Variants in MAST4 observed in about 807,000 individuals in gnomAD.
MAST4 encodes microtubule associated serine/threonine kinase family member 4, also known as microtubule-associated serine/threonine-protein kinase 4.
Under a neutral mutation model 162.7 loss-of-function variants are expected in MAST4, and 89 were observed. That is an observed-to-expected ratio of 0.55 (90% confidence interval 0.46 to 0.65). The LOEUF (loss-of-function observed/expected upper bound fraction) is 0.65. Among genes scored for constraint, MAST4 ranks in the 30% least tolerant of loss-of-function variants. The pLI is 0.00. For synonymous variants in MAST4, 1,479 were observed against 1,361.1 expected (o/e 1.09, Z -1.91); for missense variants, 3,153 against 3,374.0 (o/e 0.93, Z 1.62).
chr5:67,113,849 A>T (rs1281543403), intron 11 of MAST4, among the ~76,000 whole-genome samples: 3 of 152,210 alleles, frequency 2.0e-5, no homozygotes, highest in Admixed American at 6.5e-5. Context: ...TTACAAGCAA[A>T]TTGGAAATGA....
chr5:66,745,221 C>A (rs1040579033), intron 1 of MAST4, among the ~76,000 whole-genome samples: 1 of 152,182 alleles, frequency 6.6e-6, no homozygotes, highest in African/African-American at 2.4e-5. Context: ...TTCCTCCTCA[C>A]CACTGTTTTC....
At chr5:66,677,416 T>C (rs1467452989) in intron 1 of MAST4, among the ~76,000 whole-genome samples, 1 of 152,156 alleles carries the variant, frequency 6.6e-6, no homozygotes, top group South Asian at 2.1e-4. Flanking sequence ...TCTGGAGTAA[T>C]GAAAAACTGT....
intron 1 of MAST4, among the ~76,000 whole-genome samples, chr5:66,628,656 G>A (rs1320341910): frequency 2.0e-5 from 3 of 152,068 alleles, no homozygotes; most frequent in Admixed American, 2.0e-4. Flanking sequence ...GGAAAGTCAC[G>A]GTGAAGTTAG....
intron 1 of MAST4, among the ~76,000 whole-genome samples, chr5:66,618,374 T>C (rs956638378): frequency 2.6e-5 from 4 of 152,230 alleles, no homozygotes; most frequent in African/African-American, 9.6e-5. Context: ...TTCAAGTGTC[T>C]GACTTTGTTA....
In MAST4 at chr5:67,105,481, C is replaced by G. The variant is rs375886608; in HGVS notation, c.1356+906C>G. Among the ~76,000 whole-genome samples, 53 of 152,192 alleles carry G rather than the reference C, an allele frequency of 3.5e-4. 1 individual carries two copies. In the South Asian group the frequency reaches 3.7e-3, roughly 11 times the overall value. The stretch of plus-strand genomic sequence containing the variant: ...CAGCCGCTGCTTTTCTCCCCTTTGC[C>G]CTCTAGGCCTTCTATACTCTTTCCC... On this transcript the variant is annotated intron_variant, in intron 10 of 28. Transcript: ENST00000403625.
rs148737570 is a variant in MAST4 at position 66,927,108 on chromosome 5, G to A, written c.674+27126G>A. Among the ~76,000 whole-genome samples the A allele has an allele frequency of 3.1e-3, 479 of 152,296 alleles. 3 individuals are homozygous for A. Among genetic ancestry groups the A allele is most frequent in the African/African-American group, 0.011 (448 of 41,554 alleles). ...CCTCTCGTTTTCTTTTATCATTAAA[G>A]GGTTTGGCTTTCTTCTCCAGCTTTT... On this transcript the variant is annotated intron_variant, in intron 4 of 28. Coordinates refer to ENST00000403625, the MANE Select transcript of MAST4 (RefSeq NM_001164664.2).
chr5:66,824,980 A>G (rs1037838962), intron 3 of MAST4, among the ~76,000 whole-genome samples: 3 of 152,292 alleles, frequency 2.0e-5, no homozygotes, highest in Middle Eastern at 3.4e-3. Flanking sequence ...AAGGCCTCCT[A>G]CATTACAGTG....
chr5:67,158,618 TAATAA>T (rs752967001), intron 26 of MAST4, among the ~76,000 whole-genome samples: 4 of 152,202 alleles, frequency 2.6e-5, no homozygotes, highest in Admixed American at 6.5e-5. Context: ...CTAAAACTAA[TAATAA>T]AATACTAAGA....
At chr5:66,600,539 TA>T (rs1742485645) in intron 1 of MAST4, among the ~76,000 whole-genome samples, 1 of 152,188 alleles carries the variant, frequency 6.6e-6, no homozygotes. Flanking sequence ...GTTAATATAT[TA>T]GTAGGTGCTC....
intron 3 of MAST4, among the ~76,000 whole-genome samples, chr5:66,874,086 G>A (rs909931459): frequency 6.6e-6 from 1 of 152,134 alleles, no homozygotes; most frequent in Non-Finnish European, 1.5e-5. Flanking sequence ...TAAGAGTAAA[G>A]GGTTAGGGGG....
At chr5:66,621,527 G>A (rs1424202756) in intron 1 of MAST4, among the ~76,000 whole-genome samples, 1 of 152,194 alleles carries the variant, frequency 6.6e-6, no homozygotes, top group Non-Finnish European at 1.5e-5. Flanking sequence ...ATTTACTTGA[G>A]TGGTGGTTAC....
At chr5:66,819,685 T>A (rs1756897142) in intron 3 of MAST4, among the ~76,000 whole-genome samples, 1 of 152,180 alleles carries the variant, frequency 6.6e-6, no homozygotes, top group Non-Finnish European at 1.5e-5. Context: ...TTTTTTCCAT[T>A]TTGTGTTTAC....
chr5:66,667,632 C>T (rs1225474712), intron 1 of MAST4, among the ~76,000 whole-genome samples: 1 of 152,160 alleles, frequency 6.6e-6, no homozygotes, highest in Admixed American at 6.5e-5. Flanking sequence ...CTTGTTGATG[C>T]CGAGTTCCTA....
At chr5:66,812,691 G>C (rs528873991) in intron 3 of MAST4, among the ~76,000 whole-genome samples, 22 of 152,170 alleles carry the variant, frequency 1.4e-4, no homozygotes, top group Non-Finnish European at 2.8e-4. Context: ...GGTAGTAAAA[G>C]GCTGTGGTTT....
intron 1 of MAST4, among the ~76,000 whole-genome samples, chr5:66,747,209 A>T (rs1752823882): frequency 6.6e-6 from 1 of 152,080 alleles, no homozygotes; most frequent in Admixed American, 6.5e-5. Context: ...AAGTGCTAAT[A>T]TACATATTTC....
At chr5:67,123,023 T>C (rs1288672126) in intron 14 of MAST4, among the ~76,000 whole-genome samples, 2 of 152,236 alleles carry the variant, frequency 1.3e-5, no homozygotes, top group African/African-American at 4.8e-5. Context: ...TAATAATCTT[T>C]AATTTGAAAT....
chr5:67,012,627 A>G (rs956742355), intron 4 of MAST4, among the ~76,000 whole-genome samples: 3 of 152,228 alleles, frequency 2.0e-5, no homozygotes, highest in African/African-American at 7.2e-5. Context: ...GTCAGTCTCT[A>G]TCAGTAGGAA....
chr5:67,051,671 C>G (rs745443263), intron 4 of MAST4, among the ~76,000 whole-genome samples: 1 of 151,998 alleles, frequency 6.6e-6, no homozygotes, highest in Non-Finnish European at 1.5e-5. Flanking sequence ...CAGTAGGGTC[C>G]TAGGATTTTA....
intron 26 of MAST4, among the ~76,000 whole-genome samples, chr5:67,159,272 A>G (rs1212480908): frequency 6.6e-6 from 1 of 151,344 alleles, no homozygotes; most frequent in Non-Finnish European, 1.5e-5. Context: ...CTATTTACAC[A>G]TGCGTGAGAA....
Sources: allele counts gnomAD v4.1 joint callset (sites outside exome capture counted in the v4.1 genomes callset), GRCh38; gene constraint gnomAD v4.1.1; transcripts MANE v1.5; gene names NCBI Gene and HGNC (gene_info 2026-07-23, HGNC 2026-07-21).